DLG2: variants seen among roughly 807,000 people sequenced by gnomAD.
The protein encoded by DLG2 is disks large homolog 2.
A neutral mutation model predicts 132.5 loss-of-function variants in DLG2; 45 were observed. The observed-to-expected ratio is 0.34, with a 90% CI of 0.27 to 0.44. The LOEUF (loss-of-function observed/expected upper bound fraction) is 0.44, where lower values mean the gene tolerates loss of function less well. Among genes scored for constraint, DLG2 ranks in the 20% least tolerant of loss-of-function variants. The probability of loss-of-function intolerance (pLI) is 1.00; values close to 1 mark genes in which losing one functional copy is unlikely to be tolerated. For missense variants in DLG2, 1,045 were observed against 1,196.9 expected (o/e 0.87, Z 1.87); for synonymous variants, 424 against 419.6 (o/e 1.01, Z -0.13).
intron 21 of DLG2, among the ~76,000 whole-genome samples, chr11:83,512,829 A>G (rs1312935824): frequency 6.6e-5 from 10 of 152,140 alleles, no homozygotes; most frequent in African/African-American, 2.4e-4. Flanking sequence ...GATGGTTTCC[A>G]GCTTCATCCA....
intron 3 of DLG2, among the ~76,000 whole-genome samples, chr11:85,502,791 CATGT>C (rs2093835528): frequency 6.6e-6 from 1 of 152,198 alleles, no homozygotes; most frequent in Non-Finnish European, 1.5e-5. Flanking sequence ...ACATTCTGCA[CATGT>C]ATTCCAGAAG....
intron 7 of DLG2, among the ~76,000 whole-genome samples, chr11:84,489,861 G>T (rs191754927): frequency 1.3e-5 from 2 of 151,564 alleles, no homozygotes; most frequent in African/African-American, 2.4e-5. Context: ...TATTTTTGCC[G>T]GAGGACTATA....
chr11:85,488,602 G>T (rs2093485589), intron 3 of DLG2, among the ~76,000 whole-genome samples: 1 of 152,036 alleles, frequency 6.6e-6, no homozygotes, highest in South Asian at 2.1e-4. Context: ...TCTAAAATCA[G>T]CAAGAGAAAG....
At chr11:85,084,988 T>C (rs138002343) in intron 6 of DLG2, among the ~76,000 whole-genome samples, 1 of 152,286 alleles carries the variant, frequency 6.6e-6, no homozygotes, top group East Asian at 1.9e-4. Context: ...AAACTGTTAG[T>C]TTGGTCCAGA....
intron 15 of DLG2, among the ~76,000 whole-genome samples, chr11:83,905,466 T>C (rs886473540): frequency 7.2e-5 from 11 of 152,290 alleles, no homozygotes; most frequent in African/African-American, 2.2e-4. Flanking sequence ...GTTAATTGTA[T>C]GACTAACTGA....
chr11:85,020,909 A>G (rs571645208), intron 6 of DLG2: 18 of 769,514 alleles, frequency 2.3e-5, no homozygotes, highest in South Asian at 2.0e-4. Flanking sequence ...CCCCCTCCTC[A>G]GCAGGGTCAT....
intron 9 of DLG2, among the ~76,000 whole-genome samples, chr11:84,106,412 A>G (rs530189126): frequency 2.0e-5 from 3 of 152,286 alleles, no homozygotes; most frequent in African/African-American, 7.2e-5. Flanking sequence ...TAATGCAGAC[A>G]TTTCTAACTA....
chr11:85,240,401 C>T (rs1400563982), intron 4 of DLG2, among the ~76,000 whole-genome samples: 3 of 151,748 alleles, frequency 2.0e-5, no homozygotes, highest in Admixed American at 6.6e-5. Flanking sequence ...CTTAAAATAA[C>T]TTGATAAACA....
chr11:83,690,136 A>T (rs2080712676), intron 18 of DLG2, among the ~76,000 whole-genome samples: 1 of 150,068 alleles, frequency 6.7e-6, no homozygotes, highest in Non-Finnish European at 1.5e-5. Flanking sequence ...AACAAAACAG[A>T]AATTTAAAGG....
At chr11:85,164,877 C>A (rs2078316499) in intron 4 of DLG2, among the ~76,000 whole-genome samples, 1 of 152,160 alleles carries the variant, frequency 6.6e-6, no homozygotes, top group African/African-American at 2.4e-5. Context: ...AACTCCTGAG[C>A]CACTTTCTTA....
At chr11:84,513,224 A>G (rs2099262300) in intron 7 of DLG2, among the ~76,000 whole-genome samples, 1 of 152,110 alleles carries the variant, frequency 6.6e-6, no homozygotes, top group Non-Finnish European at 1.5e-5. Flanking sequence ...TGTATGGATT[A>G]GAAGAACCAA....
intron 3 of DLG2, among the ~76,000 whole-genome samples, chr11:85,461,546 A>G (rs1173290831): frequency 6.6e-6 from 1 of 152,190 alleles, no homozygotes; most frequent in African/African-American, 2.4e-5. Flanking sequence ...GAAGTCCTTG[A>G]GTACCTGTGA....
chr11:83,686,477 T>C (rs888755800), intron 18 of DLG2, among the ~76,000 whole-genome samples: 1 of 152,168 alleles, frequency 6.6e-6, no homozygotes, highest in Non-Finnish European at 1.5e-5. Context: ...CCAACTAGAA[T>C]GTAAGCTCCA....
chr11:84,167,965 C>T (rs983364061), intron 8 of DLG2, among the ~76,000 whole-genome samples: 1 of 152,086 alleles, frequency 6.6e-6, no homozygotes, highest in Non-Finnish European at 1.5e-5. Context: ...CACGCCTGGC[C>T]CAAGATGAAT....
intron 4 of DLG2, among the ~76,000 whole-genome samples, chr11:85,225,979 C>G (rs114488561): frequency 9.3e-4 from 141 of 152,178 alleles, no homozygotes; most frequent in African/African-American, 3.2e-3. Flanking sequence ...CCATCACCAA[C>G]CAGACACTTA....
chr11:84,986,341 GAATCCTGACAGAC>G lies in DLG2; in HGVS notation c.357+125307_357+125319del, dbSNP rs1471274746. On this transcript the variant is annotated intron_variant, in intron 6 of 27. Coordinates refer to ENST00000376104, the MANE Select transcript of DLG2 (RefSeq NM_001142699.3). Reference sequence around the variant, plus strand: ...TCCAGGACCAGATGGATTCACAGCAGAATCCTGACAGACAATCAAAGAAGAATTGGTACCAACC... The same window carrying G: ...TCCAGGACCAGATGGATTCACAGCAGAATCAAAGAAGAATTGGTACCAACC... Among the ~76,000 whole-genome samples, 5 of 152,246 alleles carry G rather than the reference GAATCCTGACAGAC, an allele frequency of 3.3e-5. No individual in the cohort carries two copies. The East Asian group carries it at 9.7e-4, about 29-fold the overall frequency.
At chr11:83,990,963 T>C (rs980012047) in intron 11 of DLG2, among the ~76,000 whole-genome samples, 21 of 152,140 alleles carry the variant, frequency 1.4e-4, no homozygotes, top group Admixed American at 2.6e-4. Flanking sequence ...AACTTATGAA[T>C]GTGCATAAGT....
chr11:83,819,199 G>C (rs552219648), intron 17 of DLG2, among the ~76,000 whole-genome samples: 1 of 152,242 alleles, frequency 6.6e-6, no homozygotes, highest in South Asian at 2.1e-4. Context: ...GCCAGGTGTA[G>C]TGGCTCACAC....
At chr11:83,549,329 T>C (rs1294873936) in intron 19 of DLG2, among the ~76,000 whole-genome samples, 2 of 152,196 alleles carry the variant, frequency 1.3e-5, no homozygotes, top group Non-Finnish European at 2.9e-5. Context: ...GTCAGTCCAC[T>C]CTTTCTAGCT....
Sources: allele counts gnomAD v4.1 joint callset (sites outside exome capture counted in the v4.1 genomes callset), GRCh38; gene constraint gnomAD v4.1.1; transcripts MANE v1.5; gene names NCBI Gene and HGNC (gene_info 2026-07-23, HGNC 2026-07-21).